RBFOX1: variants seen among roughly 807,000 people sequenced by gnomAD.
RBFOX1 encodes the protein RNA binding protein fox-1 homolog 1.
RBFOX1 carries 8 observed loss-of-function variants against 57.7 expected under a neutral mutation model. The observed-to-expected ratio is 0.14, with a 90% CI of 0.08 to 0.25. The LOEUF (loss-of-function observed/expected upper bound fraction) is 0.25. Among genes scored for constraint, RBFOX1 ranks in the 10% least tolerant of loss-of-function variants. The pLI is 1.00. For synonymous variants in RBFOX1, 326 were observed against 222.4 expected, an observed-to-expected ratio of 1.47 and a Z score of -4.15; for missense variants, 611 against 548.5, an observed-to-expected ratio of 1.11 and a Z score of -1.14.
At chr16:7,039,907 A>C (rs1458613814) in intron 3 of RBFOX1, among the ~76,000 whole-genome samples, 2 of 149,294 alleles carry the variant, frequency 1.3e-5, no homozygotes, top group African/African-American at 5.0e-5. Flanking sequence ...GAGAATCCAC[A>C]CAAAAATACT....
intron 2 of RBFOX1, among the ~76,000 whole-genome samples, chr16:6,541,158 C>A (rs1305601921): frequency 3.3e-5 from 5 of 152,116 alleles, no homozygotes; most frequent in African/African-American, 1.2e-4. Flanking sequence ...GGTAGTAGGA[C>A]ACAGATGAGA....
intron 3 of RBFOX1, among the ~76,000 whole-genome samples, chr16:5,678,527 A>G (rs74004485): frequency 7.9e-5 from 12 of 152,190 alleles, no homozygotes; most frequent in Non-Finnish European, 1.6e-4. Context: ...ATTTCAAGTT[A>G]GAACCCGGTT....
At chr16:6,904,516 G>C (rs899360085) in intron 3 of RBFOX1, among the ~76,000 whole-genome samples, 5 of 136,050 alleles carry the variant, frequency 3.7e-5, no homozygotes, top group Non-Finnish European at 6.2e-5. Context: ...CAGGAGAATT[G>C]TTTGAACCCA....
At chr16:6,833,354 A>G (rs1180890128) in intron 3 of RBFOX1, among the ~76,000 whole-genome samples, 1 of 138,990 alleles carries the variant, frequency 7.2e-6, no homozygotes, top group Non-Finnish European at 1.5e-5. Context: ...TTTAGTAGAG[A>G]CAGGGTTTCA....
intron 3 of RBFOX1, among the ~76,000 whole-genome samples, chr16:7,037,394 A>G (rs1174221583): frequency 6.6e-6 from 1 of 151,458 alleles, no homozygotes; most frequent in Non-Finnish European, 1.5e-5. Flanking sequence ...GGCATACACC[A>G]CCATGCCAGA....
chr16:5,538,995 C>T (rs1018986248), intron 2 of RBFOX1, among the ~76,000 whole-genome samples: 3 of 152,170 alleles, frequency 2.0e-5, no homozygotes, highest in African/African-American at 4.8e-5. Context: ...GGCTCCCACA[C>T]ACAAGGATGG....
chr16:6,686,819 T>A (rs1568214236), intron 3 of RBFOX1, among the ~76,000 whole-genome samples: 1 of 152,220 alleles, frequency 6.6e-6, no homozygotes, highest in Non-Finnish European at 1.5e-5. Context: ...AGATTGCACG[T>A]CCTTTTTAAA....
intron 4 of RBFOX1, among the ~76,000 whole-genome samples, chr16:7,408,722 T>C (rs909668508): frequency 6.6e-6 from 1 of 152,142 alleles, no homozygotes; most frequent in African/African-American, 2.4e-5. Context: ...TCCCATGCAT[T>C]GTAGGATATT....
chr16:7,354,211 T>A (rs2097175705), intron 4 of RBFOX1, among the ~76,000 whole-genome samples: 1 of 152,174 alleles, frequency 6.6e-6, no homozygotes, highest in South Asian at 2.1e-4. Context: ...CGTCAGGTGA[T>A]CTGCCCACCT....
intron 5 of RBFOX1, among the ~76,000 whole-genome samples, chr16:7,545,593 C>T (rs892461134): frequency 3.3e-5 from 5 of 152,162 alleles, no homozygotes; most frequent in Admixed American, 6.5e-5. Context: ...TTTTACTGAA[C>T]CCCAGCTCAG....
At chr16:6,114,398 A>G (rs4786083) in intron 1 of RBFOX1, among the ~76,000 whole-genome samples, 108,605 of 152,146 alleles carry the variant, frequency 0.71, 39,892 homozygotes, top group African/African-American at 0.89. Flanking sequence ...ATTGAAGACA[A>G]TGAGAAAATT....
chr16:6,044,897 C>T (rs1053470911), intron 1 of RBFOX1, among the ~76,000 whole-genome samples: 2 of 152,202 alleles, frequency 1.3e-5, no homozygotes, highest in Non-Finnish European at 2.9e-5. Flanking sequence ...TGAGAGTTCC[C>T]TCTGCATACA....
At chr16:7,483,597 C>G (rs900285043) in intron 4 of RBFOX1, among the ~76,000 whole-genome samples, 2 of 152,108 alleles carry the variant, frequency 1.3e-5, no homozygotes, top group Non-Finnish European at 2.9e-5. Flanking sequence ...ATTGAGGATA[C>G]AGATAGGACA....
chr16:5,454,898 C>T (rs1192710539), intron 1 of RBFOX1, among the ~76,000 whole-genome samples: 34 of 66,564 alleles, frequency 5.1e-4, no homozygotes, highest in Non-Finnish European at 9.1e-4. Context: ...TTCTTTCTTT[C>T]TTTCTTTCTT....
At chr16:6,735,844 G>C (rs1178827036) in intron 3 of RBFOX1, among the ~76,000 whole-genome samples, 1 of 152,118 alleles carries the variant, frequency 6.6e-6, no homozygotes. Context: ...CGGAGCATTG[G>C]TTACATAATT....
chr16:7,580,098 A>G (rs2093637082), intron 6 of RBFOX1, among the ~76,000 whole-genome samples, 178 bp downstream of exon 6: 1 of 152,124 alleles, frequency 6.6e-6, no homozygotes, highest in South Asian at 2.1e-4. Flanking sequence ...TTTAGCATGT[A>G]TTTCTGTACA....
chr16:5,980,542 C>T (rs916688715), intron 4 of RBFOX1, among the ~76,000 whole-genome samples: 8 of 152,190 alleles, frequency 5.3e-5, no homozygotes, highest in Non-Finnish European at 1.0e-4. Context: ...TGATCCTCCG[C>T]ATTCTCAGAA....
chr16:7,210,197 C>T (rs2090847730), intron 4 of RBFOX1, among the ~76,000 whole-genome samples: 1 of 152,196 alleles, frequency 6.6e-6, no homozygotes, highest in Non-Finnish European at 1.5e-5. Context: ...ACAAGAAACA[C>T]AACCAATAGG....
At chr16:6,650,555 A>C (rs1452109790) in intron 2 of RBFOX1, among the ~76,000 whole-genome samples, 2 of 152,240 alleles carry the variant, frequency 1.3e-5, no homozygotes. Context: ...TTGGTAATTT[A>C]GAGACAGTAC....
Sources: allele counts gnomAD v4.1 joint callset (sites outside exome capture counted in the v4.1 genomes callset), GRCh38; gene constraint gnomAD v4.1.1; transcripts MANE v1.5; gene names NCBI Gene and HGNC (gene_info 2026-07-23, HGNC 2026-07-21).